Variants in CERS5 observed in about 807,000 individuals in gnomAD.
CERS5 encodes the protein ceramide synthase 5, also known as LAG1 homolog, ceramide synthase 5.
Under a neutral mutation model 58.9 loss-of-function variants are expected in CERS5, and 37 were observed. The observed-to-expected ratio is 0.63, with a 90% CI of 0.48 to 0.83. The LOEUF (loss-of-function observed/expected upper bound fraction) is 0.83. Among genes scored for constraint, CERS5 ranks in the 40% least tolerant of loss-of-function variants. The pLI, the probability that CERS5 is intolerant of heterozygous loss-of-function variation, is 0.00. For synonymous variants in CERS5, 147 were observed against 177.8 expected (o/e 0.83, Z 1.38); for missense variants, 398 against 489.3 (o/e 0.81, Z 1.76).
intron 1 of CERS5, among the ~76,000 whole-genome samples, chr12:50,153,499 CA>C (rs1938214955): frequency 6.6e-6 from 1 of 151,476 alleles, no homozygotes; most frequent in South Asian, 2.1e-4. Flanking sequence ...AGGATGCTCT[CA>C]ATCTCTTGAC....
rs1201359715 is a variant in CERS5, at chr12:50,167,288, C to T, written c.10G>A (p.Ala4Thr). The T allele has an allele frequency of 6.5e-7, 1 of 1,529,944 alleles. No homozygotes were observed. The highest frequency in any genetic ancestry group is 2.2e-5 in the Admixed American group (1 of 44,754). 94.8% of individuals were successfully genotyped at this position (1,529,944 alleles called of 1,614,324 possible). The change falls in exon 1 of 10, where the codon GCA (alanine) becomes ACA (threonine). Residue 4 changes from alanine (A) to threonine (T), a missense_variant. By Grantham distance (58) the Ala-to-Thr change is moderately conservative. Transcript: ENST00000317551. ...AGCAAGCTTAGGGGTCCCTGCGCTG[C>T]TGTCGCCATCTTACGCCCACCCCGA... is the stretch of plus-strand genomic sequence containing the variant. Reference protein sequence around the residue: MATAAQGPLSLLWG... With the variant: MATTAQGPLSLLWG...
chr12:50,151,865 G>A (rs1376587856), intron 1 of CERS5, among the ~76,000 whole-genome samples: 4 of 152,168 alleles, frequency 2.6e-5, no homozygotes, highest in Admixed American at 1.3e-4. Flanking sequence ...GGCTGGTCCC[G>A]AACTCCTGGC....
chr12:50,142,117 G>A lies in CERS5; in HGVS notation c.435-7C>T. 1 of 1,591,406 alleles carries A rather than the reference G, an allele frequency of 6.3e-7. No individual in the cohort carries two copies. The highest frequency in any genetic ancestry group is 8.6e-7 in the Non-Finnish European group (1 of 1,161,638). ...ATAAAATGTGAATCTCCACCTGGGT[G>A]GGCAAAGAGTAAAGGTTAGACAAAT... On this transcript the variant is annotated splice_polypyrimidine_tract_variant and splice_region_variant and intron_variant, in intron 3 of 9. Coordinates refer to ENST00000317551, the MANE Select transcript of CERS5 (RefSeq NM_147190.5).
At chr12:50,134,215 C>CA (rs910431011) in intron 9 of CERS5, 11 of 372,196 alleles carry the variant, frequency 3.0e-5, no homozygotes, top group Non-Finnish European at 5.5e-5. Context: ...ACCCTATCTA[C>CA]AAAAAATAAG....
chr12:50,166,554 G>A (rs1321258156), intron 1 of CERS5, among the ~76,000 whole-genome samples: 1 of 152,122 alleles, frequency 6.6e-6, no homozygotes, highest in Non-Finnish European at 1.5e-5. Flanking sequence ...AAACGTGCAT[G>A]AGTTGACATA....
At chr12:50,150,920 C>T (rs1442296899) in intron 1 of CERS5, among the ~76,000 whole-genome samples, 1 of 152,186 alleles carries the variant, frequency 6.6e-6, no homozygotes, top group East Asian at 1.9e-4. Flanking sequence ...TCAACTTTGG[C>T]ATCAGAATCA....
intron 1 of CERS5, among the ~76,000 whole-genome samples, chr12:50,161,066 A>C (rs1329857387): frequency 6.6e-6 from 1 of 152,214 alleles, no homozygotes; most frequent in African/African-American, 2.4e-5. Context: ...AGTGGACAAG[A>C]ATAGACCCTT....
chr12:50,143,757 G>A lies in CERS5; in HGVS notation c.303+195C>T, dbSNP rs549305878. 524 of 511,188 alleles carry A rather than the reference G, an allele frequency of 1.0e-3. 4 individuals are homozygous for A. Among genetic ancestry groups the A allele is most frequent in the South Asian group, 7.2e-3 (248 of 34,678 alleles). 31.7% of individuals were successfully genotyped at this position (511,188 alleles called of 1,614,324 possible). On this transcript the variant is annotated intron_variant, in intron 2 of 9. Transcript: ENST00000317551. ...CCTAAAACTCAAACCTACTACGTAC[G>A]TAAACTTGACATACGTAGGGCCCAA... is the stretch of plus-strand genomic sequence containing the variant.
intron 1 of CERS5, among the ~76,000 whole-genome samples, chr12:50,146,961 A>G (rs995205280): frequency 6.6e-6 from 1 of 152,122 alleles, no homozygotes; most frequent in African/African-American, 2.4e-5. Flanking sequence ...ATCTTTTCTA[A>G]TTTGTGATAA....
At chr12:50,137,687 G>T in intron 6 of CERS5, 41 bp downstream of exon 6, 1 of 1,062,224 alleles carries the variant, frequency 9.4e-7, no homozygotes, top group Non-Finnish European at 1.4e-6. Flanking sequence ...TAGAAAGGAG[G>T]ATGTAATAAG....
intron 9 of CERS5, 61 bp downstream of exon 9, chr12:50,134,485 C>T (rs780372428): frequency 2.7e-5 from 44 of 1,612,904 alleles, no homozygotes; most frequent in Non-Finnish European, 2.9e-5. Context: ...GGAGAGAGAA[C>T]GTCTGTTGAG....
chr12:50,137,760 T>A lies in CERS5; in HGVS notation c.604A>T (p.Met202Leu). The A allele has an allele frequency of 6.2e-7, 1 of 1,609,296 alleles. No homozygotes were observed. Among genetic ancestry groups the A allele is most frequent in the African/African-American group, 1.3e-5 (1 of 74,834 alleles). ...IMELAFYWSL[M>L]FSQFTDIKRK... ...TTAATGTCTGTAAACTGAGAAAACATAAGGGACCAATAGAAGGCCAATTCC... is the reference window on the plus strand; with the variant it reads ...TTAATGTCTGTAAACTGAGAAAACAAAAGGGACCAATAGAAGGCCAATTCC... The change falls in exon 6 of 10, where the codon ATG (methionine) becomes TTG (leucine). Residue 202 changes from methionine to leucine, a missense_variant. Physicochemically the swap from Met to Leu is conservative, Grantham distance 15. Around this residue, in one of 3 missense-constraint regions of CERS5, gnomAD observed 328 missense variants for 384.5 expected, o/e 0.85. Coordinates refer to ENST00000317551, the MANE Select transcript of CERS5 (RefSeq NM_147190.5).
chr12:50,130,467 A>ATATGG lies in CERS5; in HGVS notation c.*73_*77dup, dbSNP rs1951256078. On this transcript the variant is annotated 3_prime_UTR_variant, in exon 10 of 10. Coordinates refer to ENST00000317551, the MANE Select transcript of CERS5 (RefSeq NM_147190.5). ...CAGTCTCCCAATCACAGAAGAGTAG[A>ATATGG]TATGGGAAGGGCCAAGAGGAGTATG... 1 of 1,302,186 alleles carries ATATGG rather than the reference A, an allele frequency of 7.7e-7. No individual in the cohort carries two copies. The highest frequency in any genetic ancestry group is 1.0e-6 in the Non-Finnish European group (1 of 959,974). 80.7% of individuals were successfully genotyped at this position (1,302,186 alleles called of 1,614,324 possible).
intron 1 of CERS5, among the ~76,000 whole-genome samples, chr12:50,166,724 G>A (rs1939940487): frequency 1.3e-5 from 2 of 152,104 alleles, no homozygotes; most frequent in South Asian, 4.1e-4. Context: ...ACTAGCTCTG[G>A]TTCTCCTGGC....
intron 2 of CERS5, chr12:50,143,711 G>T: frequency 2.3e-6 from 1 of 441,912 alleles, no homozygotes; most frequent in Non-Finnish European, 4.1e-6. Context: ...TGGGGAAAGA[G>T]GGGTAAGGGT....
At chr12:50,163,990 T>C (rs1939595617) in intron 1 of CERS5, among the ~76,000 whole-genome samples, 2 of 143,012 alleles carry the variant, frequency 1.4e-5, no homozygotes, top group South Asian at 4.4e-4. Context: ...GACAGAGTTT[T>C]CCTCTGCAGC....
intron 6 of CERS5, among the ~76,000 whole-genome samples, chr12:50,136,472 C>CA (rs35643200): frequency 3.3e-4 from 47 of 142,988 alleles, no homozygotes; most frequent in Middle Eastern, 3.6e-3. Flanking sequence ...GATTCCGTCT[C>CA]AAAAAAAAAA....
At chr12:50,149,280 T>C (rs976712467) in intron 1 of CERS5, among the ~76,000 whole-genome samples, 2 of 152,094 alleles carry the variant, frequency 1.3e-5, no homozygotes, top group African/African-American at 4.8e-5. Context: ...AGGCATTTAG[T>C]GGTCTATAAA....
chr12:50,156,930 T>C (rs1026920552), intron 1 of CERS5, among the ~76,000 whole-genome samples: 1 of 152,156 alleles, frequency 6.6e-6, no homozygotes, highest in Non-Finnish European at 1.5e-5. Flanking sequence ...ATCAACTTAA[T>C]TGGATTGAAG....
Sources: gnomAD v4.1 joint callset for allele counts (sites outside exome capture counted in the v4.1 genomes callset) on GRCh38, gnomAD v4.1.1 for gene constraint, gnomAD v4.1.1 regional missense constraint, MANE v1.5 for transcripts, NCBI Gene and HGNC (gene_info 2026-07-23, HGNC 2026-07-21) for gene names.